The following SMC6 variants were observed in gnomAD, a reference collection of about 807,000 sequenced individuals.
The protein encoded by SMC6 is structural maintenance of chromosomes 6, also known as structural maintenance of chromosomes protein 6.
SMC6 carries 79 observed loss-of-function variants against 142.2 expected under a neutral mutation model. That is an observed-to-expected ratio of 0.56 (90% CI 0.46 to 0.67). The LOEUF (loss-of-function observed/expected upper bound fraction) is 0.67, where lower values mean the gene tolerates loss of function less well. SMC6 is among the 30% of genes least tolerant of loss of function. The pLI is 0.00. For missense variants in SMC6, 1,072 were observed against 1,284.0 expected (o/e 0.83, Z 2.52); for synonymous variants, 411 against 412.4 (o/e 1.00, Z 0.04).
chr2:17,684,887 T>C (rs554825757), intron 23 of SMC6, among the ~76,000 whole-genome samples: 1 of 151,878 alleles, frequency 6.6e-6, no homozygotes, highest in African/African-American at 2.4e-5. Flanking sequence ...CAGGAAGGAA[T>C]ACCTCAAAGC....
At chr2:17,692,911 T>C (rs1236557178) in intron 23 of SMC6, among the ~76,000 whole-genome samples, 1 of 152,088 alleles carries the variant, frequency 6.6e-6, no homozygotes, top group Non-Finnish European at 1.5e-5. Flanking sequence ...GAACAGACAC[T>C]TCTCAAAAGA....
intron 18 of SMC6, among the ~76,000 whole-genome samples, chr2:17,704,091 T>C (rs1299564433): frequency 6.6e-6 from 1 of 150,594 alleles, no homozygotes; most frequent in Non-Finnish European, 1.5e-5. Flanking sequence ...AGAATTAAGA[T>C]GTAACTCCAA....
chr2:17,700,190 A>G lies in SMC6; in HGVS notation c.2394+18T>C. The G allele has an allele frequency of 6.5e-7, 1 of 1,544,492 alleles. No homozygotes were observed. The highest frequency in any genetic ancestry group is 8.8e-7 in the Non-Finnish European group (1 of 1,139,194). ...AAAACATAAAATACATACGTAACAC[A>G]GTACCAAAAATATATACCTTAAGTG... On this transcript the variant is annotated intron_variant, in intron 21 of 27. Transcript: ENST00000448223.
At chr2:17,690,977 C>A (rs993944769) in intron 23 of SMC6, among the ~76,000 whole-genome samples, 1 of 151,092 alleles carries the variant, frequency 6.6e-6, no homozygotes, top group Non-Finnish European at 1.5e-5. Context: ...ACGCTGAGTA[C>A]ATATAAAATA....
intron 9 of SMC6, among the ~76,000 whole-genome samples, chr2:17,722,843 T>G (rs950438400): frequency 2.6e-5 from 4 of 152,124 alleles, no homozygotes; most frequent in African/African-American, 9.7e-5. Flanking sequence ...GCTTATATAC[T>G]AATAGCACAC....
rs564966077 is a variant in SMC6, at chr2:17,689,855, AG to A, written c.2678+5296del. Among the ~76,000 whole-genome samples, 91 of 152,268 alleles carry A rather than the reference AG, an allele frequency of 6.0e-4. 3 individuals are homozygous for A. The South Asian group carries it at 0.018, about 30-fold the overall frequency. ...CTGTATTTTTTAAAAAATTTGTATT[AG>A]TTTTTACTATTGTGTTCTTTTTTTG... On this transcript the variant is annotated intron_variant, in intron 23 of 27. Coordinates refer to ENST00000448223, the MANE Select transcript of SMC6 (RefSeq NM_001142286.2).
Position 17,703,210 on chromosome 2 carries a change from TA to T in SMC6, c.2088del (p.Lys697AsnfsTer17), listed in dbSNP as rs2124944563. On this transcript the variant is annotated frameshift_variant, in exon 19 of 28. Transcript: ENST00000448223. LOFTEE classifies it high-confidence loss of function. ...CTTTTAAGAAGTTCCTCATTGTGTT[TA>T]ATATCTTTTTCAAGGGCAGATAAAT... is the stretch of plus-strand genomic sequence containing the variant. The part of the protein sequence containing the change: ...QQHLSALEKD[I>X]KHNEELLKRC... 6.3e-7 allele frequency: 1 copy of T among 1,583,764 alleles called. No homozygotes were observed. The highest frequency in any genetic ancestry group is 1.4e-5 in the African/African-American group (1 of 73,886).
At chr2:17,751,672 C>T (rs530137967) in intron 2 of SMC6, among the ~76,000 whole-genome samples, 1 of 152,290 alleles carries the variant, frequency 6.6e-6, no homozygotes, top group East Asian at 1.9e-4. Flanking sequence ...AAGATGTTAA[C>T]TTGTTTAAAT....
intron 24 of SMC6, among the ~76,000 whole-genome samples, chr2:17,682,970 G>A (rs1406673486): frequency 6.6e-6 from 1 of 151,650 alleles, no homozygotes; most frequent in African/African-American, 2.4e-5. Context: ...GAGGGAATTT[G>A]CCTGGAGAAA....
rs920542244 is a variant in SMC6 at position 17,738,413 on chromosome 2, G to C, written c.239-87C>G. The stretch of plus-strand genomic sequence containing the variant: ...TACCATGTAATGCAAAAAGATTTAT[G>C]AATGAGACTCACTTTAAAATAAAAT... On this transcript the variant is annotated intron_variant, in intron 4 of 27. Transcript: ENST00000448223. The C allele has an allele frequency of 4.7e-5, 36 of 759,700 alleles. No individual in the cohort carries two copies. In the African/African-American group the frequency reaches 6.0e-4, roughly 13 times the overall value. 47.1% of individuals were successfully genotyped at this position (759,700 alleles called of 1,614,324 possible).
intron 25 of SMC6, among the ~76,000 whole-genome samples, chr2:17,675,383 T>C (rs1415420731): frequency 6.6e-6 from 1 of 152,112 alleles, no homozygotes; most frequent in Non-Finnish European, 1.5e-5. Flanking sequence ...AATATTATTA[T>C]TGTTGATTTA....
At chr2:17,712,109 T>C (rs1668855943) in intron 16 of SMC6, among the ~76,000 whole-genome samples, 1 of 152,116 alleles carries the variant, frequency 6.6e-6, no homozygotes, top group Non-Finnish European at 1.5e-5. Flanking sequence ...ATATGAAGTT[T>C]GAAGGAAGGT....
At position 17,721,043 on chromosome 2, in the gene SMC6, G is replaced by C. The variant is rs1558361934; in HGVS notation, c.847-5C>G. 1 of 1,612,926 alleles carries C rather than the reference G, an allele frequency of 6.2e-7. No individual in the cohort carries two copies. ...TTGTTTTTCAATTTCATTGACCTAA[G>C]AAAGAAATTATATAGCAAATTGATC... is the stretch of plus-strand genomic sequence containing the variant. On this transcript the variant is annotated splice_polypyrimidine_tract_variant and splice_region_variant and intron_variant, in intron 10 of 27. Transcript: ENST00000448223.
chr2:17,695,327 A>G, intron 22 of SMC6, 30 bp from the exon 23 acceptor site: 1 of 1,590,012 alleles, frequency 6.3e-7, no homozygotes, highest in Non-Finnish European at 8.5e-7. Context: ...TATCTTTAAA[A>G]CTCTTCTTTG....
chr2:17,736,119 T>G (rs1351930625), intron 5 of SMC6, among the ~76,000 whole-genome samples: 1 of 152,162 alleles, frequency 6.6e-6, no homozygotes, highest in Admixed American at 6.5e-5. Flanking sequence ...ATTTTATAAA[T>G]GCCAAATGTT....
intron 11 of SMC6, among the ~76,000 whole-genome samples, chr2:17,720,210 G>A (rs1669302955): frequency 6.6e-6 from 1 of 152,174 alleles, no homozygotes; most frequent in South Asian, 2.1e-4. Flanking sequence ...GTTCAAAACA[G>A]AAAGAGTGAG....
chr2:17,696,268 T>C (rs1340061828), intron 22 of SMC6, 21 bp downstream of exon 22: 1 of 1,578,828 alleles, frequency 6.3e-7, no homozygotes, highest in Non-Finnish European at 8.5e-7. Flanking sequence ...ACAAAATAAC[T>C]TGAAAAAAAT....
chr2:17,752,816 T>C (rs890990487), intron 2 of SMC6, among the ~76,000 whole-genome samples, 162 bp downstream of exon 2: 3 of 152,210 alleles, frequency 2.0e-5, no homozygotes, highest in Non-Finnish European at 4.4e-5. Flanking sequence ...GATTTGGGTT[T>C]TTCTTTTTTC....
intron 21 of SMC6, among the ~76,000 whole-genome samples, chr2:17,699,726 A>C (rs540348202): frequency 6.6e-6 from 1 of 152,158 alleles, no homozygotes; most frequent in African/African-American, 2.4e-5. Flanking sequence ...TTCATGGTCA[A>C]TTTTGTCTCA....
Sources: allele counts gnomAD v4.1 joint callset (sites outside exome capture counted in the v4.1 genomes callset), GRCh38; gene constraint gnomAD v4.1.1; transcripts MANE v1.5; gene names NCBI Gene and HGNC (gene_info 2026-07-23, HGNC 2026-07-21).